Variants in MAPKAP1 observed in about 807,000 individuals in gnomAD.
MAPKAP1 encodes the protein target of rapamycin complex 2 subunit MAPKAP1.
A neutral mutation model predicts 65.7 loss-of-function variants in MAPKAP1; 20 were observed. The observed-to-expected ratio is 0.30, with a 90% confidence interval of 0.21 to 0.44. MAPKAP1 has a LOEUF of 0.44. MAPKAP1 is among the 20% of genes least tolerant of loss of function. The probability of loss-of-function intolerance (pLI) is 1.00; values close to 1 mark genes in which losing one functional copy is unlikely to be tolerated. For synonymous variants in MAPKAP1, 222 were observed against 244.3 expected (o/e 0.91, Z 0.85); for missense variants, 423 against 648.0 (o/e 0.65, Z 3.77).
chr9:125,640,781 G>A (rs1473306024), intron 4 of MAPKAP1, among the ~76,000 whole-genome samples: 1 of 152,196 alleles, frequency 6.6e-6, no homozygotes, highest in East Asian at 1.9e-4. Flanking sequence ...CCTGGTCTCT[G>A]AGTTGAGTAC....
intron 8 of MAPKAP1, among the ~76,000 whole-genome samples, chr9:125,495,317 C>A (rs1854904155): frequency 6.6e-6 from 1 of 152,270 alleles, no homozygotes; most frequent in Middle Eastern, 3.4e-3. Context: ...TGATGCATTA[C>A]CAAACCATTA....
At chr9:125,611,830 A>T (rs1271414145) in intron 4 of MAPKAP1, among the ~76,000 whole-genome samples, 1 of 152,208 alleles carries the variant, frequency 6.6e-6, no homozygotes, top group Admixed American at 6.5e-5. Context: ...GTCACAATTA[A>T]CAAGAAAAAA....
intron 5 of MAPKAP1, among the ~76,000 whole-genome samples, chr9:125,564,035 A>T (rs1830975802): frequency 6.6e-6 from 1 of 152,236 alleles, no homozygotes; most frequent in South Asian, 2.1e-4. Flanking sequence ...TTAGTGAGGT[A>T]TGTGTTAATG....
At chr9:125,588,327 A>C (rs1330760483) in intron 4 of MAPKAP1, among the ~76,000 whole-genome samples, 1 of 152,210 alleles carries the variant, frequency 6.6e-6, no homozygotes, top group Non-Finnish European at 1.5e-5. Context: ...GTATGAACCC[A>C]TTTATATGAA....
intron 5 of MAPKAP1, among the ~76,000 whole-genome samples, chr9:125,572,244 C>T (rs1245304452): frequency 3.3e-5 from 5 of 152,102 alleles, no homozygotes; most frequent in Admixed American, 6.5e-5. Flanking sequence ...TATCTTGGGA[C>T]CCCAAGAGGA....
intron 8 of MAPKAP1, among the ~76,000 whole-genome samples, chr9:125,503,426 C>G (rs1233574130): frequency 6.6e-6 from 1 of 152,192 alleles, no homozygotes; most frequent in Non-Finnish European, 1.5e-5. Flanking sequence ...TTGTTTCAAC[C>G]TTTTCCCAGA....
At chr9:125,698,314 T>TATATATATATAA (rs1835483736) in intron 1 of MAPKAP1, among the ~76,000 whole-genome samples, 1 of 56,302 alleles carries the variant, frequency 1.8e-5, no homozygotes, top group Non-Finnish European at 3.6e-5. Context: ...TATATATATA[T>TATATATATATAA]ATATATATAT....
chr9:125,618,317 G>C (rs952159231), intron 4 of MAPKAP1, among the ~76,000 whole-genome samples: 2 of 118,642 alleles, frequency 1.7e-5, no homozygotes, highest in Non-Finnish European at 3.3e-5. Flanking sequence ...ACTCCAGCCT[G>C]GGTGACAGAG....
intron 5 of MAPKAP1, among the ~76,000 whole-genome samples, chr9:125,562,727 T>C (rs576520417): frequency 6.6e-6 from 1 of 152,346 alleles, no homozygotes; most frequent in South Asian, 2.1e-4. Flanking sequence ...GGCTTAGATA[T>C]ATAAGCTCAC....
chr9:125,615,510 T>C (rs1832718843), intron 4 of MAPKAP1, among the ~76,000 whole-genome samples: 2 of 132,320 alleles, frequency 1.5e-5, no homozygotes, highest in Non-Finnish European at 3.1e-5. Flanking sequence ...CTGGCCAACA[T>C]GGCAAAACCC....
intron 9 of MAPKAP1, among the ~76,000 whole-genome samples, chr9:125,475,065 T>A (rs1256269090): frequency 6.6e-6 from 1 of 152,214 alleles, no homozygotes; most frequent in South Asian, 2.1e-4. Flanking sequence ...ACACACAGGC[T>A]GTTTGGGCTT....
At chr9:125,607,735 A>G (rs1182806760) in intron 4 of MAPKAP1, among the ~76,000 whole-genome samples, 1 of 152,216 alleles carries the variant, frequency 6.6e-6, no homozygotes, top group Non-Finnish European at 1.5e-5. Context: ...GGCTCACTGC[A>G]ACCTCCGCCT....
intron 10 of MAPKAP1, among the ~76,000 whole-genome samples, chr9:125,466,028 C>T (rs1398431840): frequency 2.0e-5 from 3 of 152,214 alleles, no homozygotes; most frequent in African/African-American, 7.2e-5. Context: ...GTGTCAGCTG[C>T]TTGCCAATGT....
chr9:125,618,587 A>G (rs1832810561), intron 4 of MAPKAP1, among the ~76,000 whole-genome samples: 1 of 152,172 alleles, frequency 6.6e-6, no homozygotes, highest in Non-Finnish European at 1.5e-5. Context: ...GTAAAGCACT[A>G]ATTATTTTTC....
intron 4 of MAPKAP1, among the ~76,000 whole-genome samples, chr9:125,604,949 T>C (rs921471569): frequency 2.6e-5 from 4 of 152,208 alleles, no homozygotes; most frequent in Admixed American, 6.5e-5. Context: ...TCCTATTCGA[T>C]AGTAAAATAA....
At chr9:125,648,346 T>C (rs1833790664) in intron 4 of MAPKAP1, among the ~76,000 whole-genome samples, 1 of 152,142 alleles carries the variant, frequency 6.6e-6, no homozygotes, top group Admixed American at 6.5e-5. Flanking sequence ...TCTTCAAAAG[T>C]TGTAGTTTTC....
At chr9:125,443,790 C>A (rs942857790) in intron 11 of MAPKAP1, among the ~76,000 whole-genome samples, 8 of 149,814 alleles carry the variant, frequency 5.3e-5, no homozygotes, top group African/African-American at 1.7e-4. Context: ...TCTCTCTTTA[C>A]CTGGTCAACA....
chr9:125,649,225 TA>T lies in MAPKAP1; in HGVS notation c.498+8425del, dbSNP rs549317423. ...TCCTGGGCTAGACCTCAGTGCTCGA[TA>T]TTCATTCCAACCAGATTCCCTCTTC... On this transcript the variant is annotated intron_variant, in intron 4 of 11. Coordinates refer to ENST00000265960, the MANE Select transcript of MAPKAP1 (RefSeq NM_001006617.3). Among the ~76,000 whole-genome samples, 62 of 152,252 alleles carry T rather than the reference TA, an allele frequency of 4.1e-4. 2 individuals are homozygous for T. In the South Asian group the frequency reaches 4.6e-3, roughly 11 times the overall value.
intron 8 of MAPKAP1, among the ~76,000 whole-genome samples, chr9:125,504,211 G>A (rs1289287062): frequency 1.3e-5 from 2 of 152,118 alleles, no homozygotes; most frequent in Non-Finnish European, 2.9e-5. Flanking sequence ...TATTTTATAT[G>A]TGGCTCTAAA....
Sources: gnomAD v4.1 joint callset for allele counts (sites outside exome capture counted in the v4.1 genomes callset) on GRCh38, gnomAD v4.1.1 for gene constraint, MANE v1.5 for transcripts, NCBI Gene and HGNC (gene_info 2026-07-23, HGNC 2026-07-21) for gene names.